The following PCSK2 variants were observed in gnomAD, a reference collection of about 807,000 sequenced individuals.
PCSK2 encodes the protein neuroendocrine convertase 2.
A neutral mutation model predicts 69.7 loss-of-function variants in PCSK2; 14 were observed. That is an observed-to-expected ratio of 0.20 (90% confidence interval 0.13 to 0.31). The LOEUF (loss-of-function observed/expected upper bound fraction) is 0.31, where lower values mean the gene tolerates loss of function less well. PCSK2 is among the 10% of genes least tolerant of loss of function. The probability of loss-of-function intolerance (pLI) is 1.00; values close to 1 mark genes in which losing one functional copy is unlikely to be tolerated. For missense variants in PCSK2, 544 were observed against 842.5 expected, an observed-to-expected ratio of 0.65 and a Z score of 4.39; for synonymous variants, 307 against 320.7, an observed-to-expected ratio of 0.96 and a Z score of 0.46.
intron 2 of PCSK2, among the ~76,000 whole-genome samples, chr20:17,270,587 C>T (rs1987822894): frequency 6.6e-6 from 1 of 152,072 alleles, no homozygotes; most frequent in East Asian, 1.9e-4. Context: ...CAATAAAGAA[C>T]TTATTGCTTG....
At chr20:17,425,415 T>C (rs73261764) in intron 6 of PCSK2, among the ~76,000 whole-genome samples, 1,980 of 152,272 alleles carry the variant, frequency 0.013, 45 homozygotes, top group African/African-American at 0.045. Context: ...AGCCATTTTT[T>C]TTCTGTTCAT....
intron 1 of PCSK2, among the ~76,000 whole-genome samples, chr20:17,246,597 C>T (rs1258255151): frequency 6.6e-6 from 1 of 151,994 alleles, no homozygotes; most frequent in Admixed American, 6.6e-5. Context: ...TGCAGGATAT[C>T]CTCCAGAAAA....
chr20:17,426,841 T>C (rs1340248896), intron 6 of PCSK2, among the ~76,000 whole-genome samples: 1 of 152,208 alleles, frequency 6.6e-6, no homozygotes, highest in Non-Finnish European at 1.5e-5. Context: ...CTAGTCAATG[T>C]CCACAAATTG....
chr20:17,378,591 G>A (rs925044808), intron 5 of PCSK2, among the ~76,000 whole-genome samples: 6 of 59,140 alleles, frequency 1.0e-4, no homozygotes, highest in Non-Finnish European at 1.3e-4. Context: ...ATGGATGGAC[G>A]GATGGATGGA....
Position 17,320,282 on chromosome 20 carries a change from C to A in PCSK2, c.283-38045C>A, listed in dbSNP as rs73900208. ...AATCATATAGAACTCATAGGACATA[C>A]TCTGAAACCTGAATTCCTCCTCCTA... On this transcript the variant is annotated intron_variant, in intron 2 of 11. Coordinates refer to ENST00000262545, the MANE Select transcript of PCSK2 (RefSeq NM_002594.5). Among the ~76,000 whole-genome samples, 1,332 of 152,290 alleles carry A rather than the reference C, an allele frequency of 8.7e-3. 21 individuals are homozygous for A. The highest frequency in any genetic ancestry group is 0.031 in the African/African-American group (1,284 of 41,558).
At chr20:17,341,357 GTTC>G (rs1990506075) in intron 2 of PCSK2, among the ~76,000 whole-genome samples, 1 of 152,144 alleles carries the variant, frequency 6.6e-6, no homozygotes, top group Admixed American at 6.5e-5. Flanking sequence ...ATCCACCAGG[GTTC>G]TTATGTTTCC....
chr20:17,383,929 T>C (rs919538724), intron 5 of PCSK2, among the ~76,000 whole-genome samples: 5 of 152,246 alleles, frequency 3.3e-5, no homozygotes, highest in African/African-American at 1.2e-4. Context: ...ATGCTTAAAA[T>C]ATCAATTTAA....
At position 17,482,634 on chromosome 20, in the gene PCSK2, A is replaced by G. The variant is rs1354886935; in HGVS notation, c.*564A>G. On this transcript the variant is annotated 3_prime_UTR_variant, in exon 12 of 12. Transcript: ENST00000262545. ...AAGGTGATGTGATTCAAAAGATGCC[A>G]TTCATAGAGAGCCCTAGTTACTGCA... The G allele has an allele frequency of 6.6e-6, 1 of 152,276 alleles. No homozygotes were observed. The highest frequency in any genetic ancestry group is 6.5e-5 in the Admixed American group (1 of 15,280). 9.4% of individuals were successfully genotyped at this position (152,276 alleles called of 1,614,324 possible).
intron 2 of PCSK2, among the ~76,000 whole-genome samples, chr20:17,314,499 T>C (rs149165989): frequency 3.3e-5 from 5 of 152,322 alleles, no homozygotes; most frequent in Non-Finnish European, 7.3e-5. Flanking sequence ...TGAGTTATGC[T>C]CTGAATAGCT....
intron 5 of PCSK2, among the ~76,000 whole-genome samples, chr20:17,393,230 G>A (rs1290203758): frequency 2.0e-5 from 3 of 152,058 alleles, no homozygotes; most frequent in East Asian, 3.9e-4. Flanking sequence ...TAGGTCTCGT[G>A]TCAAGCTAAG....
At chr20:17,386,782 TA>T (rs1471474856) in intron 5 of PCSK2, among the ~76,000 whole-genome samples, 1 of 152,218 alleles carries the variant, frequency 6.6e-6, no homozygotes, top group Non-Finnish European at 1.5e-5. Flanking sequence ...TTATGTTACA[TA>T]TTTTTTACCA....
chr20:17,289,059 T>C (rs1988611130), intron 2 of PCSK2, among the ~76,000 whole-genome samples: 1 of 152,204 alleles, frequency 6.6e-6, no homozygotes, highest in Non-Finnish European at 1.5e-5. Context: ...AAGAAGCATT[T>C]CCTTTCTCTC....
intron 2 of PCSK2, among the ~76,000 whole-genome samples, chr20:17,274,467 C>T (rs568742502): frequency 9.9e-5 from 15 of 152,228 alleles, no homozygotes; most frequent in African/African-American, 3.1e-4. Context: ...CTGGGCATAG[C>T]CAGCCCCTAC....
intron 6 of PCSK2, among the ~76,000 whole-genome samples, chr20:17,428,025 C>T (rs2032283658): frequency 1.3e-5 from 2 of 152,168 alleles, no homozygotes; most frequent in South Asian, 4.1e-4. Flanking sequence ...TAGGAACAAT[C>T]GTAAGAAACC....
At chr20:17,446,243 A>G (rs924857358) in intron 8 of PCSK2, among the ~76,000 whole-genome samples, 16 of 152,332 alleles carry the variant, frequency 1.1e-4, no homozygotes, top group Admixed American at 2.6e-4. Context: ...ATAACTAAAG[A>G]CAACCACAGG....
At chr20:17,379,395 A>T (rs904733282) in intron 5 of PCSK2, among the ~76,000 whole-genome samples, 1 of 152,226 alleles carries the variant, frequency 6.6e-6, no homozygotes. Context: ...AGTTTTCTGA[A>T]GCAGCAACAA....
chr20:17,346,348 G>A (rs923658313), intron 2 of PCSK2, among the ~76,000 whole-genome samples: 3 of 152,094 alleles, frequency 2.0e-5, no homozygotes, highest in African/African-American at 4.8e-5. Context: ...TCAGATGTGG[G>A]GACACTGACT....
intron 2 of PCSK2, among the ~76,000 whole-genome samples, chr20:17,310,045 G>A (rs1310270972): frequency 6.6e-6 from 1 of 152,102 alleles, no homozygotes; most frequent in Non-Finnish European, 1.5e-5. Context: ...GGAAGGCAAA[G>A]GGGGAGCAGG....
intron 2 of PCSK2, among the ~76,000 whole-genome samples, chr20:17,351,511 A>G (rs1440059155): frequency 6.6e-6 from 1 of 152,196 alleles, no homozygotes; most frequent in East Asian, 1.9e-4. Context: ...ACAATTAAAA[A>G]GGCTTTATTC....
Sources: allele counts gnomAD v4.1 joint callset (sites outside exome capture counted in the v4.1 genomes callset), GRCh38; gene constraint gnomAD v4.1.1; transcripts MANE v1.5; gene names NCBI Gene and HGNC (gene_info 2026-07-23, HGNC 2026-07-21).